Variants in CSMD3 observed in about 807,000 individuals in gnomAD.
CSMD3 encodes the protein CUB and sushi domain-containing protein 3.
In CSMD3, 177 loss-of-function variants were observed where a neutral mutation model predicts 435.2. That is an observed-to-expected ratio of 0.41 (90% CI 0.36 to 0.46). The LOEUF (loss-of-function observed/expected upper bound fraction) is 0.46, where lower values mean the gene tolerates loss of function less well. Among genes scored for constraint, CSMD3 ranks in the 20% least tolerant of loss-of-function variants. The probability of loss-of-function intolerance (pLI) is 0.34; values close to 1 mark genes in which losing one functional copy is unlikely to be tolerated. For missense variants in CSMD3, 4,265 were observed against 4,504.6 expected, an observed-to-expected ratio of 0.95 and a Z score of 1.52; for synonymous variants, 1,656 against 1,520.5, an observed-to-expected ratio of 1.09 and a Z score of -2.07.
At chr8:112,784,808 G>A (rs187805321) in intron 13 of CSMD3, among the ~76,000 whole-genome samples, 154 of 152,006 alleles carry the variant, frequency 1.0e-3, no homozygotes, top group African/African-American at 3.4e-3. Context: ...GGGACCCAAT[G>A]GATTCAGTTG....
chr8:112,694,162 G>C (rs944445639), intron 13 of CSMD3, among the ~76,000 whole-genome samples: 3 of 150,740 alleles, frequency 2.0e-5, no homozygotes, highest in Non-Finnish European at 4.4e-5. Flanking sequence ...CTGTTTCCTT[G>C]GATTTAATGA....
intron 28 of CSMD3, among the ~76,000 whole-genome samples, chr8:112,509,825 C>T (rs1822913193): frequency 6.6e-6 from 1 of 152,126 alleles, no homozygotes; most frequent in African/African-American, 2.4e-5. Flanking sequence ...TTTTTATACC[C>T]TGATAACACC....
chr8:113,273,041 T>C (rs2883876), intron 3 of CSMD3, among the ~76,000 whole-genome samples: 45,892 of 151,866 alleles, frequency 0.3, 8,045 homozygotes, highest in East Asian at 0.7. Flanking sequence ...AGAAGATAAA[T>C]GTTTGAGGTG....
At chr8:113,064,926 C>G (rs1276420646) in intron 5 of CSMD3, among the ~76,000 whole-genome samples, 1 of 152,048 alleles carries the variant, frequency 6.6e-6, no homozygotes, top group African/African-American at 2.4e-5. Flanking sequence ...ATATGTGTCA[C>G]AGATTAGCAC....
intron 30 of CSMD3, among the ~76,000 whole-genome samples, chr8:112,497,964 A>T (rs544052406): frequency 6.6e-6 from 1 of 152,218 alleles, no homozygotes; most frequent in East Asian, 1.9e-4. Context: ...CTGGAGTATA[A>T]AAATAAGACC....
At chr8:113,035,731 G>T (rs2087319336) in intron 5 of CSMD3, among the ~76,000 whole-genome samples, 1 of 151,820 alleles carries the variant, frequency 6.6e-6, no homozygotes, top group South Asian at 2.1e-4. Flanking sequence ...GTGCTTAGAG[G>T]CATAAAATTG....
intron 35 of CSMD3, among the ~76,000 whole-genome samples, chr8:112,400,284 G>A (rs962812480): frequency 4.6e-5 from 7 of 152,130 alleles, no homozygotes; most frequent in Non-Finnish European, 8.8e-5. Flanking sequence ...TCCTCACATG[G>A]TAGAACAGGT....
At chr8:112,415,831 C>A (rs1484960000) in intron 32 of CSMD3, among the ~76,000 whole-genome samples, 14 of 152,168 alleles carry the variant, frequency 9.2e-5, no homozygotes, top group Admixed American at 9.2e-4. Flanking sequence ...GGATTTTGGA[C>A]TTGTATGGGG....
At chr8:112,704,326 T>TA (rs755198484) in intron 13 of CSMD3, among the ~76,000 whole-genome samples, 10 of 152,098 alleles carry the variant, frequency 6.6e-5, no homozygotes, top group Admixed American at 2.0e-4. Context: ...TTAACTGTGA[T>TA]AAAAAACTAT....
chr8:112,942,545 T>C (rs1374484045), intron 9 of CSMD3, among the ~76,000 whole-genome samples: 1 of 151,546 alleles, frequency 6.6e-6, no homozygotes, highest in East Asian at 1.9e-4. Context: ...AAAAAATGAG[T>C]TCATGTCCTT....
rs775274514 is a variant in CSMD3 at position 112,287,094 on chromosome 8, T to C, written c.9301A>G (p.Ser3101Gly). Residue 3101 changes from serine (S) to glycine (G), a missense_variant, in exon 58 of 71, where the codon AGT (serine) becomes GGT (glycine). Physicochemically the swap from Ser to Gly is moderately conservative, Grantham distance 56. Around this residue, in one of 3 missense-constraint regions of CSMD3, gnomAD observed 3,255 missense variants for 3,380.2 expected, o/e 0.96. Coordinates refer to ENST00000297405, the MANE Select transcript of CSMD3 (RefSeq NM_198123.2). ...CACTCTGGCTGCCTTCCGGTCCAAC[T>C]GCCATTAGCTAAACATGTTCTTTCT... ...SEERTCLANG[S>G]WTGRQPECKA... The C allele has an allele frequency of 8.7e-6, 14 of 1,613,698 alleles. No homozygotes were observed. The South Asian group carries it at 1.3e-4, about 15-fold the overall frequency.
chr8:113,037,907 G>A (rs1477046585), intron 5 of CSMD3, among the ~76,000 whole-genome samples: 2 of 152,136 alleles, frequency 1.3e-5, no homozygotes, highest in Non-Finnish European at 2.9e-5. Context: ...TTTATATGGA[G>A]TTGTGGAAAA....
chr8:112,516,183 C>T (rs1243792432), intron 28 of CSMD3, among the ~76,000 whole-genome samples: 1 of 151,966 alleles, frequency 6.6e-6, no homozygotes, highest in South Asian at 2.1e-4. Flanking sequence ...TTTGCATGTA[C>T]CAAATGCTAT....
At chr8:112,613,606 T>C (rs1833433461) in intron 22 of CSMD3, among the ~76,000 whole-genome samples, 1 of 152,152 alleles carries the variant, frequency 6.6e-6, no homozygotes. Context: ...CTCCAGCCTT[T>C]GGCACACTAC....
intron 31 of CSMD3, among the ~76,000 whole-genome samples, chr8:112,485,228 CAAAATACATT>C (rs768430449): frequency 2.0e-5 from 3 of 152,048 alleles, no homozygotes; most frequent in Admixed American, 6.6e-5. Flanking sequence ...CAATGCAATG[CAAAATACATT>C]AAAATACATT....
chr8:113,414,502 A>G (rs1205652266), intron 1 of CSMD3, among the ~76,000 whole-genome samples: 1 of 152,084 alleles, frequency 6.6e-6, no homozygotes, highest in Non-Finnish European at 1.5e-5. Flanking sequence ...TATTTATTTG[A>G]ACATTTTAGT....
intron 63 of CSMD3, among the ~76,000 whole-genome samples, chr8:112,252,379 T>C (rs772542746): frequency 1.3e-5 from 2 of 151,882 alleles, no homozygotes; most frequent in Non-Finnish European, 2.9e-5. Flanking sequence ...CAGAAAGTAG[T>C]ATAAAAAACT....
intron 36 of CSMD3, among the ~76,000 whole-genome samples, chr8:112,384,259 G>A (rs966158678): frequency 6.6e-6 from 1 of 151,998 alleles, no homozygotes; most frequent in African/African-American, 2.4e-5. Flanking sequence ...ATGATATTTT[G>A]TAATTAATTC....
chr8:112,695,270 A>G (rs2076225853), intron 13 of CSMD3, among the ~76,000 whole-genome samples: 1 of 152,216 alleles, frequency 6.6e-6, no homozygotes, highest in South Asian at 2.1e-4. Context: ...AACGTTATAG[A>G]AACCTAAAAA....
Sources: allele counts gnomAD v4.1 joint callset (sites outside exome capture counted in the v4.1 genomes callset), GRCh38; gene constraint gnomAD v4.1.1; regional missense constraint gnomAD v4.1.1; transcripts MANE v1.5; gene names NCBI Gene and HGNC (gene_info 2026-07-23, HGNC 2026-07-21).